The following PKNOX1 variants were observed in gnomAD, a reference collection of about 807,000 sequenced individuals.
PKNOX1 encodes homeobox protein PKNOX1.
Under a neutral mutation model 51.9 loss-of-function variants are expected in PKNOX1, and 15 were observed. The ratio of observed to expected loss-of-function variants is 0.29; its 90% CI spans 0.19 to 0.45. The LOEUF is 0.45. Ranked by LOEUF, PKNOX1 falls within the 20% of genes least tolerant of loss-of-function variation. PKNOX1 has a pLI of 1.00. For synonymous variants in PKNOX1, 219 were observed against 211.1 expected (o/e 1.04, Z -0.32); for missense variants, 462 against 547.5 (o/e 0.84, Z 1.56).
At chr21:43,007,461 C>A (rs779587804) in intron 2 of PKNOX1, 30 bp from the exon 3 acceptor site, 1 of 1,609,938 alleles carries the variant, frequency 6.2e-7, no homozygotes, top group South Asian at 1.1e-5. Context: ...TTTGTGTTTG[C>A]TAATAAGAAT....
intron 10 of PKNOX1, among the ~76,000 whole-genome samples, chr21:43,029,559 C>G (rs1282007714): frequency 6.6e-6 from 1 of 151,152 alleles, no homozygotes; most frequent in East Asian, 1.9e-4. Context: ...TCCCGAGTAG[C>G]TCGGAGTAGC....
chr21:42,987,129 C>T (rs1006979626), intron 1 of PKNOX1, among the ~76,000 whole-genome samples: 1 of 151,848 alleles, frequency 6.6e-6, no homozygotes, highest in African/African-American at 2.4e-5. Flanking sequence ...CACCTGCAAT[C>T]CCAGCACTTT....
At chr21:42,995,207 C>T (rs1371245402) in intron 1 of PKNOX1, among the ~76,000 whole-genome samples, 1 of 152,078 alleles carries the variant, frequency 6.6e-6, no homozygotes, top group Admixed American at 6.6e-5. Context: ...CAGGTGTGAA[C>T]CACCACACCT....
chr21:42,999,653 G>A (rs902133731), intron 1 of PKNOX1, among the ~76,000 whole-genome samples: 14 of 151,838 alleles, frequency 9.2e-5, no homozygotes, highest in East Asian at 3.9e-4. Flanking sequence ...GCTAATTTTC[G>A]TATTTTTAGT....
chr21:43,024,782 T>A, intron 8 of PKNOX1, 89 bp from the exon 9 acceptor site: 1 of 797,794 alleles, frequency 1.3e-6, no homozygotes, highest in Non-Finnish European at 2.2e-6. Flanking sequence ...TATTTTCTAA[T>A]GATTATGTAA....
chr21:43,009,281 C>CTAA (rs1431411706), intron 3 of PKNOX1, among the ~76,000 whole-genome samples: 2 of 1,842 alleles, frequency 1.1e-3, no homozygotes, highest in African/African-American at 6.6e-3. Context: ...AACCCTGTCT[C>CTAA]TAAAGATACA....
chr21:43,004,480 C>T lies in PKNOX1; in HGVS notation c.51+48C>T, dbSNP rs367605936. ...ATTCTAATTACAAATCAACCTGGCA[C>T]TCAAGCATGAACATTGCTTTGTATA... On this transcript the variant is annotated intron_variant, in intron 2 of 10. Coordinates refer to ENST00000291547, the MANE Select transcript of PKNOX1 (RefSeq NM_004571.5). The T allele has an allele frequency of 1.6e-5, 21 of 1,276,948 alleles. No individual in the cohort carries two copies. The African/African-American group carries it at 1.9e-4, about 12-fold the overall frequency. 79.1% of individuals were successfully genotyped at this position (1,276,948 alleles called of 1,614,324 possible).
Position 42,985,834 on chromosome 21 carries a change from C to T in PKNOX1, c.-57+11170C>T, listed in dbSNP as rs376331964. Among the ~76,000 whole-genome samples, 8 of 151,232 alleles carry T rather than the reference C, an allele frequency of 5.3e-5. No homozygotes were observed. The South Asian group carries it at 6.3e-4, about 12-fold the overall frequency. Reference sequence around the variant, plus strand: ...GTCAACATGGCAAAACCCAGTCTCTCCTAAAAATACAAAAAAATTAGCTGG... The same window carrying T: ...GTCAACATGGCAAAACCCAGTCTCTTCTAAAAATACAAAAAAATTAGCTGG... On this transcript the variant is annotated intron_variant, in intron 1 of 10. Coordinates refer to ENST00000291547, the MANE Select transcript of PKNOX1 (RefSeq NM_004571.5).
chr21:43,029,388 TG>T (rs1302286791), intron 10 of PKNOX1, among the ~76,000 whole-genome samples: 2 of 151,434 alleles, frequency 1.3e-5, no homozygotes, highest in African/African-American at 4.8e-5. Flanking sequence ...TGGTTTTGTG[TG>T]CATGTGTTTT....
At position 42,978,471 on chromosome 21, in the gene PKNOX1, TTTTTC is replaced by T. The variant is rs1555856831; in HGVS notation, c.-57+3822_-57+3826del. ...GCATTTACAACTTGGCTAACTTGTT[TTTTTC>T]TTTTCTTTTCTTTTTTTTTTTTTTT... is the stretch of plus-strand genomic sequence containing the variant. On this transcript the variant is annotated intron_variant, in intron 1 of 10. Transcript: ENST00000291547. Among the ~76,000 whole-genome samples, 3 of 142,666 alleles carry T rather than the reference TTTTTC, an allele frequency of 2.1e-5. No homozygotes were observed. In the South Asian group the frequency reaches 6.6e-4, roughly 31 times the overall value. The allele number at this position is 142,666 out of a possible 152,430, so 93.6% of individuals were successfully genotyped here.
At chr21:43,009,904 T>C in intron 3 of PKNOX1, 149 bp from the exon 4 acceptor site, 1 of 455,714 alleles carries the variant, frequency 2.2e-6, no homozygotes, top group Admixed American at 4.1e-5. Context: ...GTAAAAACCG[T>C]TGAATTGCAT....
chr21:43,006,392 C>T (rs1978988981), intron 2 of PKNOX1, among the ~76,000 whole-genome samples: 1 of 152,194 alleles, frequency 6.6e-6, no homozygotes, highest in Admixed American at 6.5e-5. Context: ...TCCCAAAGTG[C>T]TGGGATCACA....
At chr21:43,028,659 T>C in intron 9 of PKNOX1, 43 bp from the exon 10 acceptor site, 1 of 1,593,158 alleles carries the variant, frequency 6.3e-7, no homozygotes, top group Non-Finnish European at 8.6e-7. Flanking sequence ...ATAGGGTCTT[T>C]ACGAAGGCTG....
intron 1 of PKNOX1, among the ~76,000 whole-genome samples, chr21:42,985,503 T>C (rs569894735): frequency 4.6e-5 from 7 of 152,034 alleles, no homozygotes; most frequent in Non-Finnish European, 8.8e-5. Flanking sequence ...CCTGGCTCAT[T>C]TTTGTGTTTT....
At chr21:43,006,521 CAT>C (rs1346770861) in intron 2 of PKNOX1, among the ~76,000 whole-genome samples, 1 of 151,544 alleles carries the variant, frequency 6.6e-6, no homozygotes, top group Non-Finnish European at 1.5e-5. Context: ...TTAAGAGAAA[CAT>C]AAACAGTTTT....
In PKNOX1 at chr21:43,021,172, T is replaced by A; in HGVS notation, c.721-131T>A. 1.5e-6 allele frequency: 1 copy of A among 658,344 alleles called. No homozygotes were observed. The allele number at this position is 658,344 out of a possible 1,614,324, so 40.8% of individuals were successfully genotyped here. A position where few individuals can be genotyped will look rare whatever the true frequency, so the allele number is the denominator to read the frequency against. ...CCTGAAACATCAGTCCACACAGGGTTCCCGTGCATGGGCCTCGACTACAAT... is the reference window on the plus strand; with the variant it reads ...CCTGAAACATCAGTCCACACAGGGTACCCGTGCATGGGCCTCGACTACAAT... On this transcript the variant is annotated intron_variant, in intron 7 of 10. Transcript: ENST00000291547. This position sits in a 1 kb window ranked among gnomAD's most constrained non-coding sequence, Gnocchi z 4.6.
intron 4 of PKNOX1, among the ~76,000 whole-genome samples, chr21:43,010,689 A>G (rs1979211166): frequency 6.6e-6 from 1 of 151,788 alleles, no homozygotes; most frequent in African/African-American, 2.4e-5. Flanking sequence ...GTTGGCCAAA[A>G]TCCCATCTCT....
chr21:43,025,076 G>T, intron 9 of PKNOX1, 129 bp downstream of exon 9: 1 of 636,076 alleles, frequency 1.6e-6, no homozygotes, highest in Non-Finnish European at 2.8e-6. Context: ...CAACTGAGAC[G>T]GGGTCTTGCT....
At chr21:42,976,605 C>T (rs1296505506) in intron 1 of PKNOX1, among the ~76,000 whole-genome samples, 1 of 152,222 alleles carries the variant, frequency 6.6e-6, no homozygotes, top group African/African-American at 2.4e-5. Context: ...TTGTCATTTC[C>T]ACAATGTGCA....
Sources: allele counts gnomAD v4.1 joint callset (sites outside exome capture counted in the v4.1 genomes callset), GRCh38; gene constraint gnomAD v4.1.1; non-coding constraint Gnocchi (gnomAD v3.1); transcripts MANE v1.5; gene names NCBI Gene and HGNC (gene_info 2026-07-23, HGNC 2026-07-21).